The following GPBP1 variants were observed in gnomAD, a reference collection of about 807,000 sequenced individuals.
GPBP1 encodes the protein vasculin.
GPBP1 carries 13 observed loss-of-function variants against 56.5 expected under a neutral mutation model. The observed-to-expected ratio is 0.23, with a 90% CI of 0.15 to 0.37. The LOEUF is 0.37. GPBP1 is among the 10% of genes least tolerant of loss of function. GPBP1 has a pLI of 1.00. For missense variants in GPBP1, 477 were observed against 572.3 expected (o/e 0.83, Z 1.70); for synonymous variants, 204 against 188.9 (o/e 1.08, Z -0.66).
chr5:57,236,530 A>G (rs1383771886), intron 6 of GPBP1, among the ~76,000 whole-genome samples: 1 of 152,114 alleles, frequency 6.6e-6, no homozygotes. Flanking sequence ...GCTAGTCTAT[A>G]TTTGAAGTTA....
chr5:57,188,616 G>T (rs761653846), intron 2 of GPBP1, among the ~76,000 whole-genome samples: 6 of 152,042 alleles, frequency 3.9e-5, no homozygotes, highest in Non-Finnish European at 8.8e-5. Context: ...GGTATTGGGT[G>T]CCTGTAATCC....
intron 6 of GPBP1, among the ~76,000 whole-genome samples, chr5:57,243,050 A>G (rs958086044): frequency 1.3e-5 from 2 of 150,120 alleles, no homozygotes; most frequent in Admixed American, 1.3e-4. Flanking sequence ...CGCCCGGCCT[A>G]ATATGAATTA....
intron 2 of GPBP1, among the ~76,000 whole-genome samples, chr5:57,195,957 C>T (rs1012186637): frequency 9.0e-6 from 1 of 111,114 alleles, no homozygotes; most frequent in South Asian, 3.0e-4. Flanking sequence ...GAGCTGAGAT[C>T]GTGACAGAGT....
At chr5:57,176,774 A>G (rs1356861733) in intron 2 of GPBP1, among the ~76,000 whole-genome samples, 1 of 152,186 alleles carries the variant, frequency 6.6e-6, no homozygotes, top group Non-Finnish European at 1.5e-5. Context: ...GCCAGTTTGT[A>G]TTCTAAATGC....
intron 2 of GPBP1, among the ~76,000 whole-genome samples, chr5:57,180,719 T>C (rs578118368): frequency 2.4e-4 from 37 of 152,240 alleles, no homozygotes; most frequent in African/African-American, 8.7e-4. Flanking sequence ...AATTGTGAAG[T>C]GTAATACAGA....
chr5:57,214,297 C>A, intron 3 of GPBP1, 104 bp downstream of exon 3: 2 of 1,069,058 alleles, frequency 1.9e-6, no homozygotes, highest in Non-Finnish European at 2.9e-6. Context: ...CAGAGAAGTA[C>A]ATTTGTGGCT....
intron 11 of GPBP1, among the ~76,000 whole-genome samples, chr5:57,261,567 G>A (rs1443584558): frequency 6.6e-6 from 1 of 152,204 alleles, no homozygotes; most frequent in African/African-American, 2.4e-5. Context: ...GTCTGCAATA[G>A]TGACTTATTT....
intron 2 of GPBP1, among the ~76,000 whole-genome samples, chr5:57,201,197 A>C (rs144211967): frequency 2.6e-5 from 4 of 151,880 alleles, no homozygotes; most frequent in African/African-American, 9.7e-5. Context: ...TCTTTTTTTG[A>C]GTCAGGGCCT....
At chr5:57,176,551 A>T (rs1753794244) in intron 2 of GPBP1, among the ~76,000 whole-genome samples, 151 bp downstream of exon 2, 1 of 151,940 alleles carries the variant, frequency 6.6e-6, no homozygotes, top group Non-Finnish European at 1.5e-5. Context: ...ACAACTATTA[A>T]CCATTGTCTG....
intron 2 of GPBP1, among the ~76,000 whole-genome samples, chr5:57,181,388 C>T (rs952774946): frequency 6.6e-6 from 1 of 150,756 alleles, no homozygotes; most frequent in Non-Finnish European, 1.5e-5. Flanking sequence ...ATTTTTGGCG[C>T]TGCGATCGCG....
intron 2 of GPBP1, among the ~76,000 whole-genome samples, chr5:57,182,503 G>A (rs1367029881): frequency 6.6e-6 from 1 of 151,802 alleles, no homozygotes; most frequent in Non-Finnish European, 1.5e-5. Context: ...CTCCCGAGTA[G>A]CTGGGATTAT....
chr5:57,197,061 G>A (rs779384908), intron 2 of GPBP1, among the ~76,000 whole-genome samples: 13 of 151,818 alleles, frequency 8.6e-5, no homozygotes, highest in Non-Finnish European at 1.9e-4. Flanking sequence ...GGATATAGGC[G>A]TGAGCCACCA....
At chr5:57,186,135 G>A (rs903972816) in intron 2 of GPBP1, among the ~76,000 whole-genome samples, 1 of 152,076 alleles carries the variant, frequency 6.6e-6, no homozygotes, top group Non-Finnish European at 1.5e-5. Context: ...GGTGGCTCAT[G>A]CCTTTAATCT....
At chr5:57,258,278 T>C (rs1170096226) in intron 10 of GPBP1, among the ~76,000 whole-genome samples, 2 of 152,180 alleles carry the variant, frequency 1.3e-5, no homozygotes, top group Non-Finnish European at 2.9e-5. Context: ...ATGACAGGGA[T>C]ATATTCTGAG....
intron 2 of GPBP1, among the ~76,000 whole-genome samples, chr5:57,189,600 A>AG: frequency 6.6e-6 from 1 of 152,294 alleles, no homozygotes; most frequent in Admixed American, 6.5e-5. Context: ...TTTTAACTTT[A>AG]TTCCTGTACC....
rs1742006550 is a variant in GPBP1, at chr5:57,263,858, CTG to C, written c.*1110_*1111del. Reference sequence around the variant, plus strand: ...TGCTGACGGAAATACTATTTTGGCTCTGTGTATATTTGTATTTTGATTTTTCT... The same window carrying C: ...TGCTGACGGAAATACTATTTTGGCTCTGTATATTTGTATTTTGATTTTTCT... On this transcript the variant is annotated 3_prime_UTR_variant, in exon 12 of 12. Coordinates refer to ENST00000506184, the MANE Select transcript of GPBP1 (RefSeq NM_022913.4). The C allele has an allele frequency of 6.6e-6, 1 of 152,088 alleles. No homozygotes were observed. The highest frequency in any genetic ancestry group is 6.6e-5 in the Admixed American group (1 of 15,258). The allele number at this position is 152,088 out of a possible 1,614,324, so 9.4% of individuals were successfully genotyped here. A position where few individuals can be genotyped will look rare whatever the true frequency, so the allele number is the denominator to read the frequency against.
At chr5:57,222,784 C>T (rs952837700) in intron 3 of GPBP1, among the ~76,000 whole-genome samples, 2 of 152,032 alleles carry the variant, frequency 1.3e-5, no homozygotes, top group African/African-American at 2.4e-5. Flanking sequence ...CCAAAATGTT[C>T]GTATCTACTT....
intron 2 of GPBP1, among the ~76,000 whole-genome samples, chr5:57,204,733 G>A (rs1229260372): frequency 6.6e-6 from 1 of 152,120 alleles, no homozygotes; most frequent in Non-Finnish European, 1.5e-5. Context: ...ATATCAGTTT[G>A]ACCTGTTACT....
At chr5:57,240,669 T>G (rs1347397331) in intron 6 of GPBP1, among the ~76,000 whole-genome samples, 1 of 152,082 alleles carries the variant, frequency 6.6e-6, no homozygotes, top group Non-Finnish European at 1.5e-5. Flanking sequence ...CCACAAAAAT[T>G]ATAATGAGAA....
Sources: allele counts gnomAD v4.1 joint callset (sites outside exome capture counted in the v4.1 genomes callset), GRCh38; gene constraint gnomAD v4.1.1; transcripts MANE v1.5; gene names NCBI Gene and HGNC (gene_info 2026-07-23, HGNC 2026-07-21).